Variants in MKLN1 observed in about 807,000 individuals in gnomAD.
MKLN1 encodes muskelin 1.
A neutral mutation model predicts 99.0 loss-of-function variants in MKLN1; 18 were observed. That is an observed-to-expected ratio of 0.18 (90% CI 0.13 to 0.27). The LOEUF is 0.27. MKLN1 is among the 10% of genes least tolerant of loss of function. The probability of loss-of-function intolerance (pLI) is 1.00; values close to 1 mark genes in which losing one functional copy is unlikely to be tolerated. For synonymous variants in MKLN1, 288 were observed against 293.2 expected (o/e 0.98, Z 0.18); for missense variants, 621 against 875.9 (o/e 0.71, Z 3.67).
At chr7:131,297,369 A>AAT (rs201391394) in intron 3 of MKLN1, among the ~76,000 whole-genome samples, 39 of 149,724 alleles carry the variant, frequency 2.6e-4, no homozygotes, top group East Asian at 1.4e-3. Flanking sequence ...CAAAAAACAA[A>AAT]ATATATATAT....
At chr7:131,174,644 T>C (rs1796266596) in intron 2 of MKLN1, among the ~76,000 whole-genome samples, 1 of 152,176 alleles carries the variant, frequency 6.6e-6, no homozygotes, top group African/African-American at 2.4e-5. Flanking sequence ...CCTGACGTGA[T>C]TAAACAGACT....
chr7:131,288,620 G>A (rs776055731), intron 3 of MKLN1, among the ~76,000 whole-genome samples: 1 of 152,182 alleles, frequency 6.6e-6, no homozygotes, highest in Non-Finnish European at 1.5e-5. Context: ...CTCTGGCAAC[G>A]AGGAGTGGGA....
At chr7:131,264,715 T>C (rs905219219) in intron 3 of MKLN1, among the ~76,000 whole-genome samples, 25 of 152,208 alleles carry the variant, frequency 1.6e-4, no homozygotes, top group African/African-American at 5.3e-4. Context: ...AGTTCTGTTG[T>C]TCAGCTAGAG....
intron 15 of MKLN1, among the ~76,000 whole-genome samples, chr7:131,468,854 G>A (rs1010899908): frequency 2.0e-5 from 3 of 152,210 alleles, no homozygotes; most frequent in Non-Finnish European, 2.9e-5. Flanking sequence ...GACTGTGGGT[G>A]TGTGTTGGTT....
intron 1 of MKLN1, among the ~76,000 whole-genome samples, chr7:131,115,475 G>T (rs1795260162): frequency 6.6e-6 from 1 of 152,068 alleles, no homozygotes; most frequent in Admixed American, 6.5e-5. Context: ...TCCTGCTTCT[G>T]CTCTTGTCCT....
At chr7:131,419,336 T>C (rs1285325511) in intron 8 of MKLN1, among the ~76,000 whole-genome samples, 1 of 148,758 alleles carries the variant, frequency 6.7e-6, no homozygotes, top group Non-Finnish European at 1.5e-5. Context: ...CTGCAACCTC[T>C]GCCTCCGGGG....
rs368034820 is a variant in MKLN1, at chr7:131,466,278, T to C, written c.1791T>C (p.Val597=). The C allele has an allele frequency of 3.5e-5, 56 of 1,599,146 alleles. No homozygotes were observed. Among genetic ancestry groups the C allele is most frequent in the Non-Finnish European group, 4.7e-5 (55 of 1,171,180 alleles). ...CTGGCTTATTTTGCTTATTATAGGTTCATTACTTATTTGGTGGGAATCCAG... is the reference window on the plus strand; with the variant it reads ...CTGGCTTATTTTGCTTATTATAGGTCCATTACTTATTTGGTGGGAATCCAG... ...HQLVYDELHK[V]HYLFGGNPGK... Residue 597 remains valine, a splice_region_variant and synonymous_variant, in exon 15 of 18, where the codon GTT becomes GTC. Coordinates refer to ENST00000352689, the MANE Select transcript of MKLN1 (RefSeq NM_013255.5).
intron 7 of MKLN1, among the ~76,000 whole-genome samples, chr7:131,413,915 TTAAA>T (rs1261289329): frequency 6.6e-6 from 1 of 152,188 alleles, no homozygotes; most frequent in Non-Finnish European, 1.5e-5. Flanking sequence ...TTTTGGAAGT[TTAAA>T]TAAAGTTTTA....
intron 17 of MKLN1, among the ~76,000 whole-genome samples, chr7:131,484,765 A>AT (rs1397792735): frequency 2.6e-5 from 4 of 152,266 alleles, no homozygotes; most frequent in African/African-American, 9.6e-5. Flanking sequence ...AAGCAAAGAA[A>AT]TGTTGAGTTT....
intron 1 of MKLN1, among the ~76,000 whole-genome samples, chr7:131,370,083 C>T (rs1045030517): frequency 3.3e-5 from 5 of 152,222 alleles, no homozygotes; most frequent in South Asian, 2.1e-4. Flanking sequence ...GGTGATCCGC[C>T]GGCTTCGGCC....
chr7:131,276,466 G>C (rs997572416), intron 3 of MKLN1, among the ~76,000 whole-genome samples: 6 of 152,172 alleles, frequency 3.9e-5, no homozygotes, highest in African/African-American at 1.4e-4. Context: ...GAACATCCTA[G>C]GGCCAAATCC....
chr7:131,251,963 G>A (rs570905740), intron 3 of MKLN1, among the ~76,000 whole-genome samples: 35 of 152,294 alleles, frequency 2.3e-4, no homozygotes, highest in Non-Finnish European at 2.6e-4. Flanking sequence ...ACAGGCATGA[G>A]TCACCACTCC....
intron 15 of MKLN1, among the ~76,000 whole-genome samples, chr7:131,469,337 CAG>C (rs1796753697): frequency 6.6e-6 from 1 of 152,164 alleles, no homozygotes; most frequent in South Asian, 2.1e-4. Context: ...GTCTCACATT[CAG>C]ATTATCAAAG....
intron 4 of MKLN1, 44 bp downstream of exon 4, chr7:131,389,016 A>G (rs772282376): frequency 3.0e-6 from 4 of 1,346,896 alleles, no homozygotes; most frequent in Admixed American, 3.8e-5. Flanking sequence ...TCTTGATATC[A>G]TCAGTCAGCA....
intron 2 of MKLN1, among the ~76,000 whole-genome samples, chr7:131,381,646 C>T (rs1243574969): frequency 6.6e-6 from 1 of 152,184 alleles, no homozygotes; most frequent in Non-Finnish European, 1.5e-5. Flanking sequence ...ACCACCACTG[C>T]CATCATTTTG....
In MKLN1 at chr7:131,375,493, G is replaced by C; in HGVS notation, c.168G>C (p.Gln56His). The C allele has an allele frequency of 6.3e-7, 1 of 1,596,236 alleles. No homozygotes were observed. The highest frequency in any genetic ancestry group is 8.6e-7 in the Non-Finnish European group (1 of 1,164,092). ...RWSSESNYPP[Q>H]YLILKLERPA... ...CTTCAGAGAGCAACTATCCTCCCCA[G>C]GTAAGATTACATGTATCCCTTAATG... Residue 56 changes from glutamine (Q) to histidine (H), a missense_variant and splice_region_variant, in exon 2 of 18, where the codon CAG (glutamine) becomes CAC (histidine). This residue lies in a region of MKLN1 where 27 missense variants were observed against 19.7 expected (regional missense o/e 1.37). Transcript: ENST00000352689.
intron 17 of MKLN1, among the ~76,000 whole-genome samples, chr7:131,485,834 C>T (rs890069558): frequency 6.6e-6 from 1 of 151,946 alleles, no homozygotes; most frequent in Non-Finnish European, 1.5e-5. Flanking sequence ...ACTCAGGAGA[C>T]TTGGAAACTA....
At chr7:131,196,641 G>T (rs1796649613) in intron 2 of MKLN1, among the ~76,000 whole-genome samples, 1 of 152,148 alleles carries the variant, frequency 6.6e-6, no homozygotes, top group African/African-American at 2.4e-5. Context: ...GAATGTGTGT[G>T]TGTTTGCTAA....
chr7:131,196,480 T>C (rs1202443790), intron 2 of MKLN1, among the ~76,000 whole-genome samples: 1 of 152,160 alleles, frequency 6.6e-6, no homozygotes, highest in African/African-American at 2.4e-5. Context: ...TTATTTATTA[T>C]ACAAAAAAGT....
Sources: allele counts gnomAD v4.1 joint callset (sites outside exome capture counted in the v4.1 genomes callset), GRCh38; gene constraint gnomAD v4.1.1; regional missense constraint gnomAD v4.1.1; transcripts MANE v1.5; gene names NCBI Gene and HGNC (gene_info 2026-07-23, HGNC 2026-07-21).